NUSAP1: variants seen among roughly 807,000 people sequenced by gnomAD.
NUSAP1 encodes the protein nucleolar and spindle associated protein 1.
Under a neutral mutation model 52.8 loss-of-function variants are expected in NUSAP1, and 32 were observed. The ratio of observed to expected loss-of-function variants is 0.61; its 90% CI spans 0.46 to 0.81. NUSAP1 has a LOEUF of 0.81. Among genes scored for constraint, NUSAP1 ranks in the 40% least tolerant of loss-of-function variants. The pLI is 0.00. For missense variants in NUSAP1, 499 were observed against 522.3 expected, an observed-to-expected ratio of 0.96 and a Z score of 0.43; for synonymous variants, 195 against 183.1, an observed-to-expected ratio of 1.06 and a Z score of -0.52.
At chr15:41,333,975 G>A (rs1404361112) in intron 1 of NUSAP1, among the ~76,000 whole-genome samples, 2 of 152,210 alleles carry the variant, frequency 1.3e-5, no homozygotes, top group Non-Finnish European at 1.5e-5. Flanking sequence ...TTTAATGTAG[G>A]ATAGCGGTTT....
At chr15:41,363,115 C>T (rs1242728674) in intron 6 of NUSAP1, among the ~76,000 whole-genome samples, 2 of 151,880 alleles carry the variant, frequency 1.3e-5, no homozygotes, top group East Asian at 1.9e-4. Flanking sequence ...GGCGAAACCC[C>T]GTCTGTACTA....
At chr15:41,340,082 A>G (rs1185032405) in intron 1 of NUSAP1, among the ~76,000 whole-genome samples, 1 of 152,032 alleles carries the variant, frequency 6.6e-6, no homozygotes, top group East Asian at 1.9e-4. Context: ...TGAAATTCAT[A>G]ATTTTTGCTG....
intron 10 of NUSAP1, among the ~76,000 whole-genome samples, chr15:41,379,126 G>C (rs1261111465): frequency 6.6e-6 from 1 of 151,270 alleles, no homozygotes; most frequent in Admixed American, 6.6e-5. Context: ...GCTAATTTTT[G>C]TATTTTTAGT....
At chr15:41,335,536 AT>A (rs1249425341) in intron 1 of NUSAP1, among the ~76,000 whole-genome samples, 2 of 137,798 alleles carry the variant, frequency 1.5e-5, no homozygotes, top group Admixed American at 1.5e-4. Flanking sequence ...AATATACTAT[AT>A]ATACTAATAT....
intron 5 of NUSAP1, among the ~76,000 whole-genome samples, chr15:41,357,193 C>T (rs1159937957): frequency 1.3e-5 from 2 of 151,942 alleles, no homozygotes; most frequent in Non-Finnish European, 2.9e-5. Context: ...CATGGTGAAA[C>T]CCCATCTCTA....
chr15:41,352,577 T>TTTTATTTA (rs553552420), intron 4 of NUSAP1, among the ~76,000 whole-genome samples: 2 of 151,884 alleles, frequency 1.3e-5, no homozygotes, highest in South Asian at 2.1e-4. Flanking sequence ...AATTTTTAAT[T>TTTTATTTA]TTTATTTATT....
At chr15:41,334,076 A>G (rs1336693778) in intron 1 of NUSAP1, among the ~76,000 whole-genome samples, 2 of 152,096 alleles carry the variant, frequency 1.3e-5, no homozygotes, top group African/African-American at 4.8e-5. Flanking sequence ...GACAGTGAGT[A>G]AATGCTTAAA....
At chr15:41,341,339 C>G (rs1458613308) in intron 1 of NUSAP1, among the ~76,000 whole-genome samples, 1 of 152,138 alleles carries the variant, frequency 6.6e-6, no homozygotes, top group African/African-American at 2.4e-5. Context: ...GCTGGAATTA[C>G]AGGCATGAGC....
intron 1 of NUSAP1, among the ~76,000 whole-genome samples, chr15:41,335,800 T>C (rs537344035): frequency 1.8e-4 from 27 of 146,282 alleles, no homozygotes; most frequent in South Asian, 4.2e-4. Flanking sequence ...TATATTATAC[T>C]GGTATAAATA....
intron 9 of NUSAP1, among the ~76,000 whole-genome samples, chr15:41,376,118 G>A (rs2140866124): frequency 6.6e-6 from 1 of 152,260 alleles, no homozygotes; most frequent in South Asian, 2.1e-4. Flanking sequence ...TCTGCGGCCG[G>A]GCGCAGTGGC....
chr15:41,376,669 C>T (rs1219109056), intron 9 of NUSAP1, among the ~76,000 whole-genome samples: 4 of 150,936 alleles, frequency 2.7e-5, no homozygotes, highest in Admixed American at 6.6e-5. Flanking sequence ...CCAGCCTGGG[C>T]GACAGAACGA....
chr15:41,348,006 C>A (rs187093715), intron 2 of NUSAP1, among the ~76,000 whole-genome samples: 49 of 152,048 alleles, frequency 3.2e-4, no homozygotes, highest in Middle Eastern at 3.4e-3. Context: ...ACCTGTGGAC[C>A]CAGCTGATTG....
chr15:41,368,628 A>G (rs2049518953), intron 7 of NUSAP1, among the ~76,000 whole-genome samples: 1 of 151,704 alleles, frequency 6.6e-6, no homozygotes, highest in South Asian at 2.1e-4. Flanking sequence ...TTTATTTTCT[A>G]CTTTTTTAAA....
chr15:41,334,338 C>T (rs1481371516), intron 1 of NUSAP1, among the ~76,000 whole-genome samples: 1 of 152,088 alleles, frequency 6.6e-6, no homozygotes, highest in East Asian at 1.9e-4. Context: ...AGGCTGGTCT[C>T]GAACTCCTGA....
At chr15:41,367,326 A>G (rs989353639) in intron 7 of NUSAP1, among the ~76,000 whole-genome samples, 2 of 152,140 alleles carry the variant, frequency 1.3e-5, no homozygotes, top group African/African-American at 4.8e-5. Context: ...CTCCCGTTCC[A>G]GGGAGGGCAT....
intron 8 of NUSAP1, among the ~76,000 whole-genome samples, chr15:41,372,046 G>A (rs1377047310): frequency 1.3e-5 from 2 of 152,272 alleles, no homozygotes; most frequent in Middle Eastern, 3.4e-3. Context: ...GGGATTACAA[G>A]CGTGAGCCAC....
intron 1 of NUSAP1, among the ~76,000 whole-genome samples, chr15:41,334,715 TG>T (rs2048055234): frequency 6.6e-6 from 1 of 151,982 alleles, no homozygotes; most frequent in Admixed American, 6.6e-5. Flanking sequence ...TGTGTGTGTG[TG>T]TGTGTATTTT....
chr15:41,369,757 GTTATT>G (rs751821001), intron 7 of NUSAP1, among the ~76,000 whole-genome samples: 6 of 152,006 alleles, frequency 3.9e-5, no homozygotes, highest in Non-Finnish European at 7.4e-5. Context: ...AAGGCTCATT[GTTATT>G]TTATGAACCA....
Position 41,380,421 on chromosome 15 carries a change from T to G in NUSAP1, c.*235T>G, listed in dbSNP as rs182546463. The G allele has an allele frequency of 1.1e-4, 34 of 313,660 alleles. No individual in the cohort carries two copies. The highest frequency in any genetic ancestry group is 6.8e-4 in the African/African-American group (31 of 45,792). The allele number at this position is 313,660 out of a possible 1,614,324, so 19.4% of individuals were successfully genotyped here. ...CTTAAGTCCATTAACAATTCAGGTTTCTAACGAGACCCATCCTAAAATTCT... is the reference window on the plus strand; with the variant it reads ...CTTAAGTCCATTAACAATTCAGGTTGCTAACGAGACCCATCCTAAAATTCT... On this transcript the variant is annotated 3_prime_UTR_variant, in exon 11 of 11. Transcript: ENST00000559596.
Sources: gnomAD v4.1 joint callset for allele counts (sites outside exome capture counted in the v4.1 genomes callset) on GRCh38, gnomAD v4.1.1 for gene constraint, MANE v1.5 for transcripts, NCBI Gene and HGNC (gene_info 2026-07-23, HGNC 2026-07-21) for gene names.